The following NRIP3 variants were observed in gnomAD, a reference collection of about 807,000 sequenced individuals.
The protein encoded by NRIP3 is nuclear receptor interacting protein 3, also known as nuclear receptor-interacting protein 3.
NRIP3 carries 31 observed loss-of-function variants against 29.0 expected under a neutral mutation model. The ratio of observed to expected loss-of-function variants is 1.07; its 90% CI spans 0.80 to 1.44. The LOEUF is 1.44. Ranked by LOEUF, NRIP3 falls within the 40% of genes most tolerant of loss-of-function variation. The probability of loss-of-function intolerance (pLI) is 0.00; values close to 1 mark genes in which losing one functional copy is unlikely to be tolerated. For synonymous variants in NRIP3, 131 were observed against 118.3 expected, an observed-to-expected ratio of 1.11 and a Z score of -0.70; for missense variants, 314 against 297.9, an observed-to-expected ratio of 1.05 and a Z score of -0.40.
chr11:8,988,231 G>A lies in NRIP3; in HGVS notation c.226C>T (p.Leu76Phe). The A allele has an allele frequency of 6.2e-7, 1 of 1,614,160 alleles. No homozygotes were observed. The highest frequency in any genetic ancestry group is 8.5e-7 in the Non-Finnish European group (1 of 1,180,008). ...CAAGGGACACGGGGACCGCTTCGGAGCTTAGACAGGTTGGTTTCCATGAGG... is the reference window on the plus strand; with the variant it reads ...CAAGGGACACGGGGACCGCTTCGGAACTTAGACAGGTTGGTTTCCATGAGG... ...RRLMETNLSK[L>F]RSGPRVPWAS... The change falls in exon 2 of 7, where the codon CTC becomes TTC. Residue 76 changes from leucine to phenylalanine, a missense_variant. Leu to Phe is a conservative substitution (Grantham distance 22). Coordinates refer to ENST00000309166, the MANE Select transcript of NRIP3 (RefSeq NM_020645.3).
chr11:8,996,123 T>C (rs1283123104), intron 1 of NRIP3, among the ~76,000 whole-genome samples: 1 of 152,148 alleles, frequency 6.6e-6, no homozygotes, highest in African/African-American at 2.4e-5. Context: ...ATTTTGTGTA[T>C]TTACTTGTTT....
At chr11:8,989,965 T>G (rs1325780706) in intron 1 of NRIP3, among the ~76,000 whole-genome samples, 4 of 152,172 alleles carry the variant, frequency 2.6e-5, no homozygotes, top group African/African-American at 9.7e-5. Context: ...TCTTCCTACA[T>G]TGGTCTTGCT....
At chr11:8,986,386 G>GA (rs1345678867) in intron 3 of NRIP3, among the ~76,000 whole-genome samples, 2 of 152,324 alleles carry the variant, frequency 1.3e-5, no homozygotes, top group African/African-American at 4.8e-5. Flanking sequence ...ATATCATGGA[G>GA]AAAATCCTTG....
chr11:8,983,332 G>T lies in NRIP3; in HGVS notation c.*213C>A. 1 of 590,784 alleles carries T rather than the reference G, an allele frequency of 1.7e-6. No individual in the cohort carries two copies. Among genetic ancestry groups the T allele is most frequent in the Non-Finnish European group, 3.0e-6 (1 of 329,226 alleles). The allele number at this position is 590,784 out of a possible 1,614,324, so 36.6% of individuals were successfully genotyped here. On this transcript the variant is annotated 3_prime_UTR_variant, in exon 7 of 7. Coordinates refer to ENST00000309166, the MANE Select transcript of NRIP3 (RefSeq NM_020645.3). ...AAGGTCTATAAGTTAAGTGATCAAA[G>T]TAGTAAAAAACAATGGCCATAACCA... is the stretch of plus-strand genomic sequence containing the variant.
intron 6 of NRIP3, 47 bp downstream of exon 6, chr11:8,983,828 C>G: frequency 6.7e-7 from 1 of 1,493,406 alleles, no homozygotes; most frequent in African/African-American, 1.4e-5. Context: ...CTGCTCGCAG[C>G]TGATGACAAA....
In NRIP3 at chr11:8,982,660, T is replaced by C. The variant is rs1854440239; in HGVS notation, c.*885A>G. On this transcript the variant is annotated 3_prime_UTR_variant, in exon 7 of 7. Transcript: ENST00000309166. ...CTCCTTTCCTCCAAGAGGTTCACAG[T>C]GAGAAACCATTTCATTCATCTTTGT... 9.3e-6 allele frequency: 2 copies of C among 215,360 alleles called. No homozygotes were observed. The highest frequency in any genetic ancestry group is 1.1e-4 in the Admixed American group (2 of 17,678). The allele number at this position is 215,360 out of a possible 1,614,324, so 13.3% of individuals were successfully genotyped here. A position where few individuals can be genotyped will look rare whatever the true frequency, so the allele number is the denominator to read the frequency against.
At position 8,982,829 on chromosome 11, in the gene NRIP3, CTTT is replaced by C. The variant is rs35481824; in HGVS notation, c.*713_*715del. ...AGAGAATATTCCTCCCATGCTCTGC[CTTT>C]TTTTTTTTTTTTTTAACACATTCTC... On this transcript the variant is annotated 3_prime_UTR_variant, in exon 7 of 7. Transcript: ENST00000309166. The C allele has an allele frequency of 9.3e-3, 2,632 of 284,338 alleles. No homozygotes were observed. Among genetic ancestry groups the C allele is most frequent in the South Asian group, 0.018 (584 of 33,074 alleles). The allele number at this position is 284,338 out of a possible 1,614,324, so 17.6% of individuals were successfully genotyped here.
In NRIP3 at chr11:8,983,488, C is replaced by A; in HGVS notation, c.*57G>T. The A allele has an allele frequency of 1.9e-6, 3 of 1,580,666 alleles. No individual in the cohort carries two copies. The highest frequency in any genetic ancestry group is 1.7e-6 in the Non-Finnish European group (2 of 1,157,936). On this transcript the variant is annotated 3_prime_UTR_variant, in exon 7 of 7. Transcript: ENST00000309166. ...GCATTTGGTTCAAACCCAGTTTTCT[C>A]TATCTGTCAACCCGGTGTGTATGCA...
intron 6 of NRIP3, 119 bp from the exon 7 acceptor site, chr11:8,983,679 C>A: frequency 2.0e-6 from 2 of 982,116 alleles, no homozygotes; most frequent in Admixed American, 1.9e-5. Flanking sequence ...TGTGGCATCA[C>A]CATTGCTCAT....
intron 1 of NRIP3, among the ~76,000 whole-genome samples, chr11:8,996,911 A>C (rs1168477629): frequency 1.3e-5 from 2 of 152,104 alleles, no homozygotes; most frequent in African/African-American, 4.8e-5. Context: ...TTTAATTAAA[A>C]ATTTTAAAAA....
At chr11:9,000,257 A>T (rs769003579) in intron 1 of NRIP3, among the ~76,000 whole-genome samples, 6 of 152,230 alleles carry the variant, frequency 3.9e-5, no homozygotes, top group Non-Finnish European at 7.3e-5. Flanking sequence ...GGATGCAATC[A>T]CGACTCTGCA....
upstream of NRIP3, chr11:9,004,116 C>A (rs926833042): frequency 9.7e-6 from 4 of 411,338 alleles, no homozygotes; most frequent in East Asian, 3.8e-5. Flanking sequence ...GCGGCTCCCT[C>A]GCGTCCCGCG....
chr11:8,993,170 A>C (rs1343785322), intron 1 of NRIP3, among the ~76,000 whole-genome samples: 1 of 152,222 alleles, frequency 6.6e-6, no homozygotes, highest in Non-Finnish European at 1.5e-5. Flanking sequence ...CCTTAAAAGC[A>C]GCCAGTCCAA....
chr11:8,995,312 G>C (rs992975149), intron 1 of NRIP3, among the ~76,000 whole-genome samples: 3 of 152,122 alleles, frequency 2.0e-5, no homozygotes, highest in Admixed American at 6.5e-5. Context: ...ATATTAGCTT[G>C]GGCAAATCAC....
Position 8,981,470 on chromosome 11 carries a change from A to T in NRIP3, c.*2075T>A, listed in dbSNP as rs1185043175. ...GCAACAGAGTGAGACTCTGTCTAAA[A>T]AAAAAAAAAAAAAAAGAATAAACCA... On this transcript the variant is annotated 3_prime_UTR_variant, in exon 7 of 7. Transcript: ENST00000309166. 1 of 152,280 alleles carries T rather than the reference A, an allele frequency of 6.6e-6. No homozygotes were observed. Among genetic ancestry groups the T allele is most frequent in the African/African-American group, 2.4e-5 (1 of 41,284 alleles). The allele number at this position is 152,280 out of a possible 1,614,324, so 9.4% of individuals were successfully genotyped here.
chr11:8,984,164 C>T (rs1371397763), intron 4 of NRIP3, 40 bp from the exon 5 acceptor site: 2 of 1,445,124 alleles, frequency 1.4e-6, no homozygotes, highest in Admixed American at 3.3e-5. Flanking sequence ...TAGCCATTTC[C>T]ATGCTTGCTT....
chr11:8,987,449 GA>G (rs1287836024), intron 3 of NRIP3, 98 bp downstream of exon 3: 1 of 870,730 alleles, frequency 1.1e-6, no homozygotes, highest in African/African-American at 1.6e-5. Context: ...ACTTCTCTTT[GA>G]GCTGCTGTAG....
At chr11:9,004,148 C>T (rs981758223), upstream of NRIP3, 9 of 396,428 alleles carry the variant, frequency 2.3e-5, no homozygotes, top group African/African-American at 1.3e-4. Flanking sequence ...GCGTCCCCTG[C>T]TCACCCGGTG....
chr11:8,989,278 A>G (rs936480802), intron 1 of NRIP3, among the ~76,000 whole-genome samples: 2 of 152,246 alleles, frequency 1.3e-5, no homozygotes, highest in Non-Finnish European at 1.5e-5. Context: ...AAATTTGTAT[A>G]CACAAATATC....
Sources: allele counts gnomAD v4.1 joint callset (sites outside exome capture counted in the v4.1 genomes callset), GRCh38; gene constraint gnomAD v4.1.1; transcripts MANE v1.5; gene names NCBI Gene and HGNC (gene_info 2026-07-23, HGNC 2026-07-21).